Variants in SCUBE1 observed in about 807,000 individuals in gnomAD.
SCUBE1 encodes the protein signal peptide, CUB and EGF-like domain-containing protein 1.
Under a neutral mutation model 124.4 loss-of-function variants are expected in SCUBE1, and 59 were observed. The observed-to-expected ratio is 0.47, with a 90% CI of 0.38 to 0.59. The LOEUF (loss-of-function observed/expected upper bound fraction) is 0.59. Among genes scored for constraint, SCUBE1 ranks in the 20% least tolerant of loss-of-function variants. The pLI, the probability that SCUBE1 is intolerant of heterozygous loss-of-function variation, is 0.00. For synonymous variants in SCUBE1, 545 were observed against 550.9 expected, an observed-to-expected ratio of 0.99 and a Z score of 0.15; for missense variants, 1,150 against 1,371.2, an observed-to-expected ratio of 0.84 and a Z score of 2.55.
At chr22:43,293,437 C>T (rs554276181) in intron 3 of SCUBE1, among the ~76,000 whole-genome samples, 103 of 152,344 alleles carry the variant, frequency 6.8e-4, no homozygotes, top group African/African-American at 2.4e-3. Context: ...GCCTTTGGCC[C>T]CAGGCTAAGC....
At chr22:43,316,046 C>T (rs1926336976) in intron 3 of SCUBE1, among the ~76,000 whole-genome samples, 1 of 152,152 alleles carries the variant, frequency 6.6e-6, no homozygotes, top group Non-Finnish European at 1.5e-5. Flanking sequence ...GTCTTGGAGG[C>T]ATCAAACCAC....
At chr22:43,303,459 GGC>G (rs1481805071) in intron 3 of SCUBE1, among the ~76,000 whole-genome samples, 1 of 152,238 alleles carries the variant, frequency 6.6e-6, no homozygotes, top group Non-Finnish European at 1.5e-5. Context: ...TGGGCCTGGT[GGC>G]AACAACCAGG....
chr22:43,321,079 A>T (rs982169703), intron 2 of SCUBE1, among the ~76,000 whole-genome samples: 3 of 152,182 alleles, frequency 2.0e-5, no homozygotes, highest in African/African-American at 7.2e-5. Flanking sequence ...GGAGGGCCGG[A>T]AGTGTCCCCC....
intron 15 of SCUBE1, among the ~76,000 whole-genome samples, chr22:43,218,009 G>C (rs1921911611): frequency 6.9e-6 from 1 of 145,276 alleles, no homozygotes; most frequent in South Asian, 2.2e-4. Context: ...CTGTGGCCTT[G>C]CTGTCCTGTC....
intron 6 of SCUBE1, among the ~76,000 whole-genome samples, chr22:43,257,602 G>C (rs1270293099): frequency 6.6e-6 from 1 of 152,204 alleles, no homozygotes; most frequent in Non-Finnish European, 1.5e-5. Flanking sequence ...GCGGACTTCA[G>C]GTTGGGAAGA....
intron 3 of SCUBE1, among the ~76,000 whole-genome samples, chr22:43,310,979 A>G (rs1466250463): frequency 6.6e-6 from 1 of 152,070 alleles, no homozygotes; most frequent in African/African-American, 2.4e-5. Flanking sequence ...GGGTCTTGCT[A>G]TGTTGCCTAG....
At chr22:43,302,698 T>C (rs771306778) in intron 3 of SCUBE1, among the ~76,000 whole-genome samples, 1 of 152,230 alleles carries the variant, frequency 6.6e-6, no homozygotes. Context: ...CAGCTGTGAA[T>C]GTGATCCTGG....
intron 2 of SCUBE1, among the ~76,000 whole-genome samples, chr22:43,323,588 A>ACTTCCATC (rs1926628303): frequency 6.7e-6 from 1 of 148,604 alleles, no homozygotes; most frequent in Admixed American, 6.7e-5. Flanking sequence ...ACCCATCCAA[A>ACTTCCATC]CATCCATCCA....
Position 43,221,208 on chromosome 22 carries a change from G to A in SCUBE1, c.1514C>T (p.Ala505Val), listed in dbSNP as rs748858532. 27 of 1,611,242 alleles carry A rather than the reference G, an allele frequency of 1.7e-5. No homozygotes were observed. Among genetic ancestry groups the A allele is most frequent in the Non-Finnish European group, 2.2e-5 (26 of 1,179,962 alleles). The change falls in exon 13 of 22, where the codon GCA (alanine) becomes GTA (valine). Residue 505 changes from alanine to valine, a missense_variant. Physicochemically the swap from Ala to Val is moderately conservative, Grantham distance 64. Transcript: ENST00000360835. ...AKCHLRPHSQ[A>V]RAKETARQPL... The stretch of plus-strand genomic sequence containing the variant: ...CTGCCTGGCGGTCTCCTTTGCTCGT[G>A]CCTGGCTGTGGGGCCGGAGGTGGCA...
intron 4 of SCUBE1, chr22:43,270,395 A>G (rs916938372): frequency 6.6e-6 from 1 of 152,262 alleles, no homozygotes; most frequent in African/African-American, 2.4e-5. Context: ...CGCTGAGCGC[A>G]CAGAGGTTAG....
chr22:43,309,333 G>A (rs1926091095), intron 3 of SCUBE1, among the ~76,000 whole-genome samples: 1 of 152,186 alleles, frequency 6.6e-6, no homozygotes, highest in South Asian at 2.1e-4. Context: ...TCATGCAGGA[G>A]TACACAGAGG....
Position 43,218,374 on chromosome 22 carries a change from C to T in SCUBE1, c.1772G>A (p.Arg591Gln), listed in dbSNP as rs200206862. 78 of 1,613,364 alleles carry T rather than the reference C, an allele frequency of 4.8e-5. No homozygotes were observed. Among genetic ancestry groups the T allele is most frequent in the Non-Finnish European group, 5.7e-5 (67 of 1,180,048 alleles). Residue 591 changes from arginine (R) to glutamine (Q), a missense_variant, in exon 15 of 22, where the codon CGG becomes CAG. Transcript: ENST00000360835. ...AIKTLRKSIG[R>Q]QQFYVQVSGT... ...TGAGACCTGGACATAGAACTGCTGCCGGCCGATGGACTTGCGCAGGGTCTT... is the reference window on the plus strand; with the variant it reads ...TGAGACCTGGACATAGAACTGCTGCTGGCCGATGGACTTGCGCAGGGTCTT...
intron 3 of SCUBE1, among the ~76,000 whole-genome samples, chr22:43,301,756 C>A (rs571372233): frequency 1.1e-4 from 16 of 152,328 alleles, no homozygotes; most frequent in Admixed American, 2.0e-4. Context: ...TTTTGAGCAT[C>A]ACAGTATCCC....
intron 2 of SCUBE1, among the ~76,000 whole-genome samples, chr22:43,332,236 C>T (rs1031422078): frequency 2.0e-5 from 3 of 152,066 alleles, no homozygotes; most frequent in East Asian, 1.9e-4. Context: ...TGCAGTGAGC[C>T]GAGATTGAGC....
Position 43,227,483 on chromosome 22 carries a change from G to T in SCUBE1, c.1098C>A (p.Cys366Ter). 1.2e-6 allele frequency: 2 copies of T among 1,612,394 alleles called. No individual in the cohort carries two copies. Among genetic ancestry groups the T allele is most frequent in the Non-Finnish European group, 1.7e-6 (2 of 1,179,792 alleles). The stretch of plus-strand genomic sequence containing the variant: ...GGTCACAGCTCCCGTTGCTCATGCT[G>T]CACTCGTCCACATCTGGAAGCACAG... ...GTTHCGDVDE[C>*]SMSNGSCDQG... Residue 366 changes from cysteine to a stop codon, truncating the protein, a stop_gained, in exon 10 of 22, where the codon TGC becomes TGA. Coordinates refer to ENST00000360835, the MANE Select transcript of SCUBE1 (RefSeq NM_173050.5). LOFTEE classifies it high-confidence loss of function.
Position 43,339,238 on chromosome 22 carries a change from G to A in SCUBE1, c.89-3C>T. The A allele has an allele frequency of 1.2e-6, 2 of 1,613,040 alleles. No homozygotes were observed. The highest frequency in any genetic ancestry group is 1.1e-5 in the South Asian group (1 of 91,062). Reference sequence around the variant, plus strand: ...GCACTCATCCACGTCGACTGACCCTGTGGGTAGGGGTGTGGGGGGAATAAG... The same window carrying A: ...GCACTCATCCACGTCGACTGACCCTATGGGTAGGGGTGTGGGGGGAATAAG... On this transcript the variant is annotated splice_region_variant and splice_polypyrimidine_tract_variant and intron_variant, in intron 1 of 21. Transcript: ENST00000360835.
At chr22:43,217,831 A>G (rs1017430545) in intron 15 of SCUBE1, among the ~76,000 whole-genome samples, 1 of 152,050 alleles carries the variant, frequency 6.6e-6, no homozygotes, top group African/African-American at 2.4e-5. Flanking sequence ...GGGCGGCCCT[A>G]GGCCTCACGA....
At chr22:43,241,393 C>T (rs372815851) in intron 6 of SCUBE1, among the ~76,000 whole-genome samples, 285 of 152,162 alleles carry the variant, frequency 1.9e-3, no homozygotes, top group African/African-American at 6.5e-3. Context: ...GAAGAGGATC[C>T]GGTACGGAGC....
intron 2 of SCUBE1, among the ~76,000 whole-genome samples, chr22:43,329,601 A>G (rs28455930): frequency 1.3e-5 from 2 of 152,192 alleles, no homozygotes; most frequent in East Asian, 3.9e-4. Flanking sequence ...AAGACCCTGG[A>G]GGGAGTGGGG....
Sources: allele counts gnomAD v4.1 joint callset (sites outside exome capture counted in the v4.1 genomes callset), GRCh38; gene constraint gnomAD v4.1.1; transcripts MANE v1.5; gene names NCBI Gene and HGNC (gene_info 2026-07-23, HGNC 2026-07-21).